ANXA10: variants seen among roughly 807,000 people sequenced by gnomAD.
ANXA10 encodes the protein annexin 14.
ANXA10 carries 49 observed loss-of-function variants against 53.5 expected under a neutral mutation model. The ratio of observed to expected loss-of-function variants is 0.92; its 90% CI spans 0.73 to 1.16. The LOEUF is 1.16. Among genes scored for constraint, ANXA10 ranks in the 50% most tolerant of loss-of-function variants. The pLI, the probability that ANXA10 is intolerant of heterozygous loss-of-function variation, is 0.00. For synonymous variants in ANXA10, 131 were observed against 128.9 expected (o/e 1.02, Z -0.11); for missense variants, 393 against 394.4 (o/e 1.00, Z 0.03).
At chr4:168,152,032 G>A (rs1445648966) in intron 3 of ANXA10, among the ~76,000 whole-genome samples, 1 of 152,206 alleles carries the variant, frequency 6.6e-6, no homozygotes, top group Non-Finnish European at 1.5e-5. Context: ...AACAGGCACA[G>A]TTCTATGGGC....
In ANXA10 at chr4:168,179,967, C is replaced by T. The variant is rs575241225; in HGVS notation, c.724+655C>T. 7.9e-5 allele frequency among the ~76,000 whole-genome samples: 12 copies of T among 152,272 alleles called. No homozygotes were observed. In the South Asian group the frequency reaches 2.3e-3, roughly 29 times the overall value. ...GAATTGACAGCACACATTTCAGGGA[C>T]GACCAAAGGGGATCATTATGAAATA... On this transcript the variant is annotated intron_variant, in intron 9 of 11. Coordinates refer to ENST00000359299, the MANE Select transcript of ANXA10 (RefSeq NM_007193.5).
intron 3 of ANXA10, among the ~76,000 whole-genome samples, chr4:168,156,966 A>C (rs924561562): frequency 1.3e-5 from 2 of 152,234 alleles, no homozygotes; most frequent in African/African-American, 4.8e-5. Context: ...TTAAAAAATC[A>C]TTCCTCTAGG....
intron 9 of ANXA10, among the ~76,000 whole-genome samples, chr4:168,180,559 T>C (rs1407676392): frequency 6.6e-6 from 1 of 152,132 alleles, no homozygotes; most frequent in Non-Finnish European, 1.5e-5. Flanking sequence ...GCACTGCAGA[T>C]AGAACAATGA....
At position 168,107,754 on chromosome 4, in the gene ANXA10, C is replaced by T. The variant is rs150754695; in HGVS notation, c.18+15036C>T. Reference sequence around the variant, plus strand: ...TGTGTCTTTACACAGGGGACAGAGACTCAAATTTTTCTCATAAAGATACTA... The same window carrying T: ...TGTGTCTTTACACAGGGGACAGAGATTCAAATTTTTCTCATAAAGATACTA... On this transcript the variant is annotated intron_variant, in intron 1 of 11. Coordinates refer to ENST00000359299, the MANE Select transcript of ANXA10 (RefSeq NM_007193.5). Among the ~76,000 whole-genome samples the T allele has an allele frequency of 5.2e-3, 795 of 152,218 alleles. 3 individuals are homozygous for T. Among genetic ancestry groups the T allele is most frequent in the Admixed American group, 4.6e-3 (70 of 15,288 alleles).
chr4:168,114,359 C>A (rs991699169), intron 1 of ANXA10, among the ~76,000 whole-genome samples: 9 of 151,942 alleles, frequency 5.9e-5, no homozygotes, highest in Admixed American at 1.3e-4. Flanking sequence ...CTGCCACCTC[C>A]ACCTCCCAGG....
chr4:168,098,771 T>C (rs1730594085), intron 1 of ANXA10, among the ~76,000 whole-genome samples: 1 of 151,966 alleles, frequency 6.6e-6, no homozygotes, highest in Non-Finnish European at 1.5e-5. Context: ...CTAGACATTC[T>C]GGGTAATTAT....
In ANXA10 at chr4:168,178,028, T is replaced by C. The variant is rs202004058; in HGVS notation, c.628+45T>C. The C allele has an allele frequency of 1.8e-5, 28 of 1,555,410 alleles. No individual in the cohort carries two copies. The East Asian group carries it at 6.3e-4, about 35-fold the overall frequency. On this transcript the variant is annotated intron_variant, in intron 8 of 11. Coordinates refer to ENST00000359299, the MANE Select transcript of ANXA10 (RefSeq NM_007193.5). ...CGTTCCAGCTACTTGACCAATTATA[T>C]AACAAAAAGAAGGTGGTTAACTAGA...
At chr4:168,117,988 C>G (rs1038688424) in intron 1 of ANXA10, among the ~76,000 whole-genome samples, 3 of 146,064 alleles carry the variant, frequency 2.1e-5, no homozygotes, top group Non-Finnish European at 4.6e-5. Flanking sequence ...GAACCTAATG[C>G]GCACATCAAT....
intron 1 of ANXA10, among the ~76,000 whole-genome samples, chr4:168,121,532 T>A (rs1245739250): frequency 6.6e-6 from 1 of 151,902 alleles, no homozygotes; most frequent in South Asian, 2.1e-4. Flanking sequence ...ATTTTTAAAG[T>A]GAATAGTTTA....
chr4:168,164,138 G>A, intron 4 of ANXA10, 60 bp from the exon 5 acceptor site: 1 of 1,266,312 alleles, frequency 7.9e-7, no homozygotes, highest in Middle Eastern at 1.9e-4. Context: ...TTGTACAAAA[G>A]GTACACTATT....
At chr4:168,143,141 T>C (rs1417289537) in intron 3 of ANXA10, among the ~76,000 whole-genome samples, 1 of 152,174 alleles carries the variant, frequency 6.6e-6, no homozygotes, top group Non-Finnish European at 1.5e-5. Flanking sequence ...TTCCTTGCCC[T>C]GGCTGCTACC....
chr4:168,152,108 T>G (rs1731507894), intron 3 of ANXA10, among the ~76,000 whole-genome samples: 1 of 152,192 alleles, frequency 6.6e-6, no homozygotes, highest in Non-Finnish European at 1.5e-5. Context: ...TTCTACCTAT[T>G]CCACCTGGGT....
intron 11 of ANXA10, 120 bp downstream of exon 11, chr4:168,184,801 A>G (rs1732333651): frequency 5.9e-6 from 8 of 1,347,086 alleles, no homozygotes; most frequent in Non-Finnish European, 8.1e-6. Flanking sequence ...TCAGACAGGG[A>G]TAACCTAGTT....
chr4:168,169,450 CTTTA>C (rs1423879555), intron 6 of ANXA10, among the ~76,000 whole-genome samples: 2 of 152,104 alleles, frequency 1.3e-5, no homozygotes, highest in African/African-American at 2.4e-5. Context: ...TTCCTAAGGA[CTTTA>C]TTTAATTCCA....
At chr4:168,162,679 C>T (rs1376493688) in intron 4 of ANXA10, 38 bp downstream of exon 4, 1 of 1,543,340 alleles carries the variant, frequency 6.5e-7, no homozygotes, top group African/African-American at 1.4e-5. Flanking sequence ...GTAACAAGTA[C>T]AGGCCAGTAT....
intron 8 of ANXA10, 22 bp downstream of exon 8, chr4:168,178,005 T>C: frequency 6.2e-7 from 1 of 1,603,548 alleles, no homozygotes. Flanking sequence ...CTGGGTTTCG[T>C]TCCAGCTACT....
At chr4:168,138,889 C>T (rs1731281617) in intron 2 of ANXA10, among the ~76,000 whole-genome samples, 1 of 152,058 alleles carries the variant, frequency 6.6e-6, no homozygotes. Context: ...ATTTGGTTCT[C>T]AGCTTGATTG....
At chr4:168,108,028 A>T (rs1420394657) in intron 1 of ANXA10, among the ~76,000 whole-genome samples, 4 of 152,202 alleles carry the variant, frequency 2.6e-5, no homozygotes, top group Non-Finnish European at 4.4e-5. Context: ...GGTAAAAATC[A>T]TTCCCCTTTT....
intron 11 of ANXA10, among the ~76,000 whole-genome samples, chr4:168,186,389 T>C (rs1560795820): frequency 6.6e-6 from 1 of 152,218 alleles, no homozygotes; most frequent in Non-Finnish European, 1.5e-5. Context: ...CCTGAAAATG[T>C]ATCTGCTGAA....
Sources: gnomAD v4.1 joint callset for allele counts (sites outside exome capture counted in the v4.1 genomes callset) on GRCh38, gnomAD v4.1.1 for gene constraint, MANE v1.5 for transcripts, NCBI Gene and HGNC (gene_info 2026-07-23, HGNC 2026-07-21) for gene names.